The following RALGPS2 variants were observed in gnomAD, a reference collection of about 807,000 sequenced individuals.
The protein encoded by RALGPS2 is ras-specific guanine nucleotide-releasing factor RalGPS2.
In RALGPS2, 43 loss-of-function variants were observed where a neutral mutation model predicts 86.8. The ratio of observed to expected loss-of-function variants is 0.50; its 90% CI spans 0.39 to 0.64. RALGPS2 has a LOEUF of 0.64. Ranked by LOEUF, RALGPS2 falls within the 30% of genes least tolerant of loss-of-function variation. The pLI is 0.00. For synonymous variants in RALGPS2, 243 were observed against 231.3 expected, an observed-to-expected ratio of 1.05 and a Z score of -0.46; for missense variants, 536 against 694.6, an observed-to-expected ratio of 0.77 and a Z score of 2.57.
intron 12 of RALGPS2, chr1:178,885,611 T>C (rs1003047376): frequency 1.0e-5 from 2 of 190,666 alleles, no homozygotes; most frequent in African/African-American, 4.7e-5. Context: ...GAAAACTGAC[T>C]TTTTGTTTAA....
chr1:178,874,039 T>C (rs1572438122), intron 8 of RALGPS2, among the ~76,000 whole-genome samples: 1 of 152,162 alleles, frequency 6.6e-6, no homozygotes, highest in Non-Finnish European at 1.5e-5. Context: ...ACAAATACTA[T>C]TATTTAATCC....
chr1:178,815,329 C>T (rs1315932337), intron 6 of RALGPS2, among the ~76,000 whole-genome samples: 1 of 152,070 alleles, frequency 6.6e-6, no homozygotes, highest in African/African-American at 2.4e-5. Context: ...AGGTGATCCT[C>T]CCATCTCGGC....
chr1:178,816,468 A>G (rs1655235705), intron 6 of RALGPS2, among the ~76,000 whole-genome samples: 2 of 152,042 alleles, frequency 1.3e-5, no homozygotes, highest in South Asian at 4.1e-4. Context: ...TTTTTAATGT[A>G]TTCTGAATAC....
chr1:178,843,359 T>G (rs1427279725), intron 8 of RALGPS2, among the ~76,000 whole-genome samples: 1 of 146,520 alleles, frequency 6.8e-6, no homozygotes, highest in South Asian at 2.2e-4. Flanking sequence ...TGTAGGGACA[T>G]GGATGAAATT....
intron 2 of RALGPS2, among the ~76,000 whole-genome samples, chr1:178,780,055 C>T (rs1184457341): frequency 6.6e-6 from 1 of 152,108 alleles, no homozygotes; most frequent in Non-Finnish European, 1.5e-5. Flanking sequence ...AATTTTTGCC[C>T]ACCACAACCA....
At position 178,916,363 on chromosome 1, in the gene RALGPS2, C is replaced by G. The variant is rs751033530; in HGVS notation, c.*4C>G. On this transcript the variant is annotated 3_prime_UTR_variant, in exon 20 of 20. Transcript: ENST00000367635. ...AAACTTGATGACTTTTGAGTAGAAG[C>G]CTGAGAAAAAAAGAGAGGTGAACTG... The G allele has an allele frequency of 1.3e-6, 2 of 1,599,206 alleles. No individual in the cohort carries two copies. The highest frequency in any genetic ancestry group is 2.2e-5 in the South Asian group (2 of 90,164).
At chr1:178,806,405 G>A (rs1031173267) in intron 4 of RALGPS2, among the ~76,000 whole-genome samples, 1 of 152,028 alleles carries the variant, frequency 6.6e-6, no homozygotes, top group Non-Finnish European at 1.5e-5. Flanking sequence ...CATATGTGCT[G>A]TTTTTTGTTG....
At chr1:178,808,888 A>G (rs1654854902) in intron 5 of RALGPS2, among the ~76,000 whole-genome samples, 1 of 152,022 alleles carries the variant, frequency 6.6e-6, no homozygotes, top group Non-Finnish European at 1.5e-5. Flanking sequence ...TTCTTTTTTT[A>G]GAGACAGGGT....
At chr1:178,797,393 TA>T (rs1261926649) in intron 4 of RALGPS2, among the ~76,000 whole-genome samples, 3 of 152,092 alleles carry the variant, frequency 2.0e-5, no homozygotes, top group African/African-American at 7.2e-5. Context: ...TAATGCCAGG[TA>T]ACCATAAATG....
At chr1:178,728,402 C>CTTTTTTTTTT (rs67007360) in intron 1 of RALGPS2, among the ~76,000 whole-genome samples, 1 of 129,628 alleles carries the variant, frequency 7.7e-6, no homozygotes, top group Non-Finnish European at 1.6e-5. Context: ...CGAAAGTATG[C>CTTTTTTTTTT]TTTTTTTTTT....
chr1:178,744,620 C>T (rs1651206096), intron 1 of RALGPS2, among the ~76,000 whole-genome samples: 1 of 151,874 alleles, frequency 6.6e-6, no homozygotes, highest in Non-Finnish European at 1.5e-5. Context: ...TCGAGACCAG[C>T]CTGGCCAACA....
At chr1:178,833,672 G>A (rs1656131821) in intron 8 of RALGPS2, 122 bp downstream of exon 8, 1 of 1,382,142 alleles carries the variant, frequency 7.2e-7, no homozygotes, top group African/African-American at 1.5e-5. Flanking sequence ...CTTCAAGATT[G>A]GTAAGCTGAA....
intron 1 of RALGPS2, among the ~76,000 whole-genome samples, chr1:178,755,458 G>A (rs1188598430): frequency 6.6e-6 from 1 of 152,180 alleles, no homozygotes; most frequent in Admixed American, 6.5e-5. Flanking sequence ...CTGTTCCTGT[G>A]TTAATTTGCT....
At chr1:178,817,888 A>G (rs929185436) in intron 6 of RALGPS2, among the ~76,000 whole-genome samples, 1 of 152,120 alleles carries the variant, frequency 6.6e-6, no homozygotes, top group Non-Finnish European at 1.5e-5. Context: ...TCATTTTCTA[A>G]TTGTTTGGTG....
chr1:178,895,144 A>G (rs563708226), intron 16 of RALGPS2, among the ~76,000 whole-genome samples: 3 of 152,190 alleles, frequency 2.0e-5, no homozygotes, highest in Non-Finnish European at 2.9e-5. Flanking sequence ...CAACACCAGC[A>G]TAGTAGTTTG....
chr1:178,803,945 A>G lies in RALGPS2; in HGVS notation c.214-4100A>G, dbSNP rs56331311. Reference sequence around the variant, plus strand: ...ATGAAGTCCTGTCTGCCTCCAGAGTATCTTGAGTCTATCGTATCCATATCC... The same window carrying G: ...ATGAAGTCCTGTCTGCCTCCAGAGTGTCTTGAGTCTATCGTATCCATATCC... On this transcript the variant is annotated intron_variant, in intron 4 of 19. Transcript: ENST00000367635. Among the ~76,000 whole-genome samples the G allele has an allele frequency of 3.3e-3, 508 of 152,266 alleles. 3 individuals are homozygous for G. Among genetic ancestry groups the G allele is most frequent in the African/African-American group, 0.012 (500 of 41,552 alleles).
At chr1:178,879,742 G>T (rs1659155124) in intron 10 of RALGPS2, 1 of 145,178 alleles carries the variant, frequency 6.9e-6, no homozygotes, top group Non-Finnish European at 1.5e-5. Context: ...TGAGCCGAGA[G>T]TGCACCATTG....
At chr1:178,851,128 T>C in intron 8 of RALGPS2, 3 of 1,610,842 alleles carry the variant, frequency 1.9e-6, no homozygotes, top group Non-Finnish European at 2.5e-6. Context: ...AGTGTCTCTC[T>C]TCAGTCAATA....
At chr1:178,846,640 T>C (rs958341296) in intron 8 of RALGPS2, among the ~76,000 whole-genome samples, 1 of 152,216 alleles carries the variant, frequency 6.6e-6, no homozygotes, top group African/African-American at 2.4e-5. Flanking sequence ...TGTGTTAATT[T>C]CATCCCCATG....
Sources: gnomAD v4.1 joint callset for allele counts (sites outside exome capture counted in the v4.1 genomes callset) on GRCh38, gnomAD v4.1.1 for gene constraint, MANE v1.5 for transcripts, NCBI Gene and HGNC (gene_info 2026-07-23, HGNC 2026-07-21) for gene names.